IDO2: variants seen among roughly 807,000 people sequenced by gnomAD.
IDO2 encodes the protein indoleamine 2,3-dioxygenase 2, also known as indoleamine 2,3-dioxygenase-like 1 protein.
A neutral mutation model predicts 45.1 loss-of-function variants in IDO2; 46 were observed. That is an observed-to-expected ratio of 1.02 (90% CI 0.80 to 1.30). The LOEUF is 1.30. Among genes scored for constraint, IDO2 ranks in the 50% most tolerant of loss-of-function variants. The pLI is 0.00. For missense variants in IDO2, 544 were observed against 491.8 expected (o/e 1.11, Z -1.00); for synonymous variants, 218 against 184.9 (o/e 1.18, Z -1.45).
rs992257852 is a variant in IDO2 at position 39,982,224 on chromosome 8, C to G, written c.316-428C>G. On this transcript the variant is annotated intron_variant, in intron 4 of 10. Coordinates refer to ENST00000502986, the Ensembl canonical transcript of IDO2. ...CTATCTATGTATCTATCATCTCTCT[C>G]TATATATGTGTGTATATATATATAT... Among the ~76,000 whole-genome samples the G allele has an allele frequency of 2.8e-5, 3 of 107,414 alleles. No individual in the cohort carries two copies. In the South Asian group the frequency reaches 1.0e-3, roughly 36 times the overall value. The allele number at this position is 107,414 out of a possible 152,430, so 70.5% of individuals were successfully genotyped here.
chr8:39,970,092 G>A (rs932628143), intron 3 of IDO2, among the ~76,000 whole-genome samples: 2 of 152,228 alleles, frequency 1.3e-5, no homozygotes. Context: ...GAGGAAGTTT[G>A]AGTATTTTGG....
At chr8:39,942,711 C>G (rs1807662942) in intron 1 of IDO2, among the ~76,000 whole-genome samples, 1 of 152,204 alleles carries the variant, frequency 6.6e-6, no homozygotes, top group South Asian at 2.1e-4. Flanking sequence ...TACTCCAACT[C>G]TGATGCCAGC....
intron 9 of IDO2, 111 bp from the exon 10 acceptor site, chr8:40,013,454 A>C (rs1802337868): frequency 9.2e-7 from 1 of 1,092,494 alleles, no homozygotes; most frequent in Admixed American, 2.2e-5. Context: ...TCACCCTAAA[A>C]TTACCATTGA....
At chr8:40,000,444 A>T (rs1187010472) in intron 8 of IDO2, among the ~76,000 whole-genome samples, 1 of 152,124 alleles carries the variant, frequency 6.6e-6, no homozygotes, top group African/African-American at 2.4e-5. Flanking sequence ...ACAGCATATT[A>T]TCATGATATA....
At chr8:39,995,251 C>CCTTCTCCTTCTCCTTCTTCTTCTT (rs1554548607) in intron 8 of IDO2, 44 of 78,016 alleles carry the variant, frequency 5.6e-4, no homozygotes, top group East Asian at 1.8e-3. Context: ...TTCTCCTTCT[C>CCTTCTCCTTCTCCTTCTTCTTCTT]CTTCTTCTTC....
rs145523971 is a variant in IDO2 at position 39,983,053 on chromosome 8, T to G, written c.434+283T>G. ...GCAAAATCAGCTTTTATTTGTTCTT[T>G]CTCTTCAAACTGTTTATTCCCTAAG... On this transcript the variant is annotated intron_variant, in intron 5 of 10. Coordinates refer to ENST00000502986, the Ensembl canonical transcript of IDO2. Among the ~76,000 whole-genome samples, 53 of 152,330 alleles carry G rather than the reference T, an allele frequency of 3.5e-4. No individual in the cohort carries two copies. In the East Asian group the frequency reaches 0.01, roughly 29 times the overall value.
At chr8:39,974,133 A>G (rs968296313) in intron 3 of IDO2, among the ~76,000 whole-genome samples, 1 of 152,204 alleles carries the variant, frequency 6.6e-6, no homozygotes, top group African/African-American at 2.4e-5. Flanking sequence ...GATTTTTCCT[A>G]TCAGTTTTCA....
chr8:39,957,823 T>A (rs753133679), intron 2 of IDO2, among the ~76,000 whole-genome samples: 1 of 152,218 alleles, frequency 6.6e-6, no homozygotes, highest in Non-Finnish European at 1.5e-5. Flanking sequence ...CTAATCTTTC[T>A]GATAGTTTAG....
intron 9 of IDO2, among the ~76,000 whole-genome samples, chr8:40,007,402 A>G (rs1802240135): frequency 6.6e-6 from 1 of 152,130 alleles, no homozygotes; most frequent in Non-Finnish European, 1.5e-5. Context: ...TGTAGAGGGT[A>G]CAGAGTGGAA....
chr8:39,985,564 C>T (rs373667692), intron 6 of IDO2, 42 bp downstream of exon 6: 7 of 1,508,430 alleles, frequency 4.6e-6, no homozygotes, highest in Non-Finnish European at 5.4e-6. Flanking sequence ...GAATCCAGGC[C>T]AAATTTAAAA....
chr8:39,968,122 C>T (rs1164459289), intron 3 of IDO2, among the ~76,000 whole-genome samples: 4 of 150,738 alleles, frequency 2.7e-5, no homozygotes, highest in African/African-American at 7.3e-5. Context: ...ATCCTTCAAC[C>T]GGGGAATGAA....
intron 2 of IDO2, among the ~76,000 whole-genome samples, chr8:39,962,658 T>C (rs746432093): frequency 1.3e-5 from 2 of 151,174 alleles, no homozygotes; most frequent in Non-Finnish European, 2.9e-5. Flanking sequence ...AAGAGAGGGG[T>C]TTCACCAGCA....
exon 11 of IDO2, chr8:40,015,450 G>C (rs370060883): frequency 6.2e-7 from 1 of 1,613,960 alleles, no homozygotes; most frequent in South Asian, 1.1e-5. Context: ...CCTCATCACA[G>C]CTGCAGCCAA....
chr8:39,971,070 T>C (rs1808172734), intron 3 of IDO2, among the ~76,000 whole-genome samples: 2 of 152,136 alleles, frequency 1.3e-5, no homozygotes, highest in Admixed American at 6.6e-5. Flanking sequence ...GGCCCAGGAC[T>C]TTCATAGTTA....
At position 40,002,845 on chromosome 8, in the gene IDO2, G is replaced by A. The variant is rs556082844; in HGVS notation, c.668-2482G>A. On this transcript the variant is annotated intron_variant, in intron 8 of 10. Coordinates refer to ENST00000502986, the Ensembl canonical transcript of IDO2. ...AAATTTTGTACAAATTTTATTAAATGTCTACATTAATTTGGAGAAAAATGA... is the reference window on the plus strand; with the variant it reads ...AAATTTTGTACAAATTTTATTAAATATCTACATTAATTTGGAGAAAAATGA... Among the ~76,000 whole-genome samples the A allele has an allele frequency of 6.0e-4, 91 of 152,128 alleles. 1 individual carries two copies. The highest frequency in any genetic ancestry group is 3.4e-3 in the Middle Eastern group (1 of 294).
At chr8:39,998,303 T>C (rs1802080460) in intron 8 of IDO2, 1 of 152,054 alleles carries the variant, frequency 6.6e-6, no homozygotes, top group Non-Finnish European at 1.5e-5. Flanking sequence ...AGAAAATGTA[T>C]ATTTTGTTCT....
At chr8:39,961,151 C>T (rs1470889188) in intron 2 of IDO2, among the ~76,000 whole-genome samples, 4 of 152,068 alleles carry the variant, frequency 2.6e-5, no homozygotes, top group Non-Finnish European at 5.9e-5. Flanking sequence ...TGTTTTTGAT[C>T]TGTATTGCTG....
intron 8 of IDO2, among the ~76,000 whole-genome samples, chr8:39,990,327 A>G (rs1035168520): frequency 6.6e-6 from 1 of 152,164 alleles, no homozygotes; most frequent in African/African-American, 2.4e-5. Flanking sequence ...GGGCAGGCTG[A>G]TTTGTCAAAG....
chr8:39,961,631 T>A (rs1041889847), intron 2 of IDO2, among the ~76,000 whole-genome samples: 3 of 152,082 alleles, frequency 2.0e-5, no homozygotes, highest in African/African-American at 7.2e-5. Flanking sequence ...CCCAATTGTA[T>A]GTTTCTAATA....
Sources: allele counts gnomAD v4.1 joint callset (sites outside exome capture counted in the v4.1 genomes callset), GRCh38; gene constraint gnomAD v4.1.1; transcripts MANE v1.5; gene names NCBI Gene and HGNC (gene_info 2026-07-23, HGNC 2026-07-21).